The following CEP192 variants were observed in gnomAD, a reference collection of about 807,000 sequenced individuals.
CEP192 encodes the protein centrosomal protein 192.
In CEP192, 151 loss-of-function variants were observed where a neutral mutation model predicts 271.8. That is an observed-to-expected ratio of 0.56 (90% CI 0.49 to 0.64). CEP192 has a LOEUF of 0.64. CEP192 is among the 30% of genes least tolerant of loss of function. CEP192 has a pLI of 0.00. For missense variants in CEP192, 2,910 were observed against 3,020.5 expected, an observed-to-expected ratio of 0.96 and a Z score of 0.86; for synonymous variants, 995 against 1,076.5, an observed-to-expected ratio of 0.92 and a Z score of 1.48.
intron 5 of CEP192, among the ~76,000 whole-genome samples, chr18:13,013,919 C>A (rs907759063): frequency 6.6e-6 from 1 of 152,184 alleles, no homozygotes; most frequent in Non-Finnish European, 1.5e-5. Context: ...CCTGTGCCAG[C>A]GATTGGCAAA....
At position 13,059,076 on chromosome 18, in the gene CEP192, T is replaced by C. The variant is rs1261383526; in HGVS notation, c.4258-6T>C. On this transcript the variant is annotated splice_polypyrimidine_tract_variant and splice_region_variant and intron_variant, in intron 20 of 44. Transcript: ENST00000506447. ...TAATAACGAACTTTATGGCTCTTTT[T>C]TGAAGGTGGATCTTTCAACATATCG... is the stretch of plus-strand genomic sequence containing the variant. 2 of 1,599,510 alleles carry C rather than the reference T, an allele frequency of 1.3e-6. No individual in the cohort carries two copies. Among genetic ancestry groups the C allele is most frequent in the Admixed American group, 1.7e-5 (1 of 59,856 alleles).
At chr18:13,030,065 A>G in intron 10 of CEP192, 63 bp downstream of exon 10, 1 of 1,239,492 alleles carries the variant, frequency 8.1e-7, no homozygotes, top group Non-Finnish European at 1.1e-6. Flanking sequence ...TGAATAGGAC[A>G]TATTTTCATG....
chr18:13,001,101 C>G (rs1256804139), intron 2 of CEP192, among the ~76,000 whole-genome samples: 1 of 152,184 alleles, frequency 6.6e-6, no homozygotes, highest in African/African-American at 2.4e-5. Context: ...CATGTAGGGT[C>G]TTGCATAATA....
rs146470719 is a variant in CEP192 at position 13,019,951 on chromosome 18, T to G, written c.1050+745T>G. On this transcript the variant is annotated intron_variant, in intron 9 of 44. Transcript: ENST00000506447. ...TCTCAGCCTCCCAAGTAGCTGGGAT[T>G]ACAGGCGCACATCACCACCTGGTTA... Among the ~76,000 whole-genome samples the G allele has an allele frequency of 6.5e-3, 989 of 152,172 alleles. 10 individuals carry two copies. The highest frequency in any genetic ancestry group is 0.023 in the African/African-American group (936 of 41,510).
At chr18:13,057,503 C>A in intron 19 of CEP192, 82 bp from the exon 20 acceptor site, 1 of 1,492,476 alleles carries the variant, frequency 6.7e-7, no homozygotes, top group Admixed American at 1.8e-5. Context: ...ATCTTATAAA[C>A]TCATTGCCAT....
chr18:13,092,451 A>G lies in CEP192; in HGVS notation c.6178A>G (p.Ile2060Val), dbSNP rs1439325944. Residue 2060 changes from isoleucine to valine, a missense_variant, in exon 34 of 45, where the codon ATT (isoleucine) becomes GTT (valine). Coordinates refer to ENST00000506447, the MANE Select transcript of CEP192 (RefSeq NM_032142.4). Reference protein sequence around the residue: ...GSMCKIILSVIGEFRDCISSR... With the variant: ...GSMCKIILSVVGEFRDCISSR... ...CATGTGTAAAATTATACTTTCAGTA[A>G]TTGGAGAATTCAGAGATTGCATTTC... is the stretch of plus-strand genomic sequence containing the variant. The G allele has an allele frequency of 5.6e-6, 9 of 1,607,460 alleles. No homozygotes were observed. Among genetic ancestry groups the G allele is most frequent in the African/African-American group, 2.7e-5 (2 of 74,748 alleles).
At position 13,071,066 on chromosome 18, in the gene CEP192, T is replaced by G; in HGVS notation, c.5202T>G (p.Phe1734Leu). Residue 1734 changes from phenylalanine (F) to leucine (L), a missense_variant, in exon 28 of 45, where the codon TTT becomes TTG. Coordinates refer to ENST00000506447, the MANE Select transcript of CEP192 (RefSeq NM_032142.4). ...TCTTGAAAATATTTGTGCAGCCATT[T>G]GGACCTCAGTATGAGGTAGTGTTAA... ...ERILKIFVQPFGPQYEVVLKG... is the reference protein window; with the variant it reads ...ERILKIFVQPLGPQYEVVLKG... 1 of 1,613,850 alleles carries G rather than the reference T, an allele frequency of 6.2e-7. No individual in the cohort carries two copies. The highest frequency in any genetic ancestry group is 8.5e-7 in the Non-Finnish European group (1 of 1,179,744).
In CEP192 at chr18:13,040,813, C is replaced by T. The variant is rs748164015; in HGVS notation, c.1810-17C>T. On this transcript the variant is annotated splice_polypyrimidine_tract_variant and intron_variant, in intron 13 of 44. Transcript: ENST00000506447. Reference sequence around the variant, plus strand: ...GTTGAAAATCAAAGAAATAATTTACCTTTAATTATTTTGTAGCCATCATTT... The same window carrying T: ...GTTGAAAATCAAAGAAATAATTTACTTTTAATTATTTTGTAGCCATCATTT... The T allele has an allele frequency of 6.4e-7, 1 of 1,555,742 alleles. No homozygotes were observed. The highest frequency in any genetic ancestry group is 2.3e-5 in the East Asian group (1 of 44,150).
intron 44 of CEP192, among the ~76,000 whole-genome samples, chr18:13,123,512 C>T (rs1362217814): frequency 1.3e-5 from 2 of 152,198 alleles, no homozygotes; most frequent in African/African-American, 4.8e-5. Flanking sequence ...ATTTTCAGGA[C>T]AGATGCTGGA....
At chr18:12,999,318 AT>A (rs1175749728) in intron 1 of CEP192, 102 bp from the exon 2 acceptor site, 8 of 924,258 alleles carry the variant, frequency 8.7e-6, no homozygotes, top group South Asian at 4.3e-5. Context: ...TAAAAAAAGG[AT>A]TTTTTTCCTA....
At chr18:13,072,923 A>T (rs1276352344) in intron 29 of CEP192, 78 bp downstream of exon 29, 1 of 1,541,152 alleles carries the variant, frequency 6.5e-7, no homozygotes, top group Admixed American at 1.7e-5. Flanking sequence ...TTTTTGTGTT[A>T]TTTAGCTTTT....
intron 40 of CEP192, among the ~76,000 whole-genome samples, chr18:13,106,856 G>A (rs1226645423): frequency 1.3e-5 from 2 of 152,142 alleles, no homozygotes; most frequent in African/African-American, 4.8e-5. Flanking sequence ...GATTGACTAC[G>A]TTGCTTAAAT....
chr18:13,074,816 C>G (rs1598520079), intron 30 of CEP192, among the ~76,000 whole-genome samples: 1 of 152,074 alleles, frequency 6.6e-6, no homozygotes, highest in South Asian at 2.1e-4. Flanking sequence ...GACAGGAGAA[C>G]CCAGGGAGCC....
intron 3 of CEP192, among the ~76,000 whole-genome samples, chr18:13,006,632 T>A (rs1040024746): frequency 2.0e-5 from 3 of 152,226 alleles, no homozygotes; most frequent in African/African-American, 7.2e-5. Context: ...TCTCTTGAAC[T>A]GCTCCTTTTT....
intron 44 of CEP192, among the ~76,000 whole-genome samples, chr18:13,119,363 A>G (rs565087964): frequency 3.9e-5 from 6 of 152,322 alleles, no homozygotes; most frequent in Non-Finnish European, 8.8e-5. Context: ...GATCAATGGA[A>G]TACTTCTGTT....
chr18:13,094,953 C>T (rs2144787205), intron 34 of CEP192, among the ~76,000 whole-genome samples: 1 of 152,314 alleles, frequency 6.6e-6, no homozygotes, highest in East Asian at 1.9e-4. Flanking sequence ...GGCTGTCTCC[C>T]TGAGCCCAGT....
intron 30 of CEP192, among the ~76,000 whole-genome samples, chr18:13,077,877 AT>A (rs769540329): frequency 6.6e-6 from 1 of 152,166 alleles, no homozygotes; most frequent in Non-Finnish European, 1.5e-5. Flanking sequence ...TATAGTTAAC[AT>A]TTTGCTATAT....
rs141014420 is a variant in CEP192 at position 13,049,067 on chromosome 18, A to G, written c.2276A>G (p.Tyr759Cys). ...TFQEDEKQKD[Y>C]SHVRHFLPND... ...CAGGAAGATGAGAAACAAAAGGACTATTCTCATGTGCGTCATTTCTTACCT... is the reference window on the plus strand; with the variant it reads ...CAGGAAGATGAGAAACAAAAGGACTGTTCTCATGTGCGTCATTTCTTACCT... Residue 759 changes from tyrosine to cysteine, a missense_variant, in exon 16 of 45, where the codon TAT becomes TGT. Physicochemically the swap from Tyr to Cys is radical, Grantham distance 194. Transcript: ENST00000506447. 4.3e-6 allele frequency: 7 copies of G among 1,613,896 alleles called. No individual in the cohort carries two copies. The highest frequency in any genetic ancestry group is 4.0e-5 in the African/African-American group (3 of 74,934).
chr18:13,011,186 C>G (rs1403178891), intron 4 of CEP192, among the ~76,000 whole-genome samples: 1 of 149,282 alleles, frequency 6.7e-6, no homozygotes, highest in Non-Finnish European at 1.5e-5. Context: ...GAGATTGTGC[C>G]ACTGCATTCC....
Sources: allele counts gnomAD v4.1 joint callset (sites outside exome capture counted in the v4.1 genomes callset), GRCh38; gene constraint gnomAD v4.1.1; transcripts MANE v1.5; gene names NCBI Gene and HGNC (gene_info 2026-07-23, HGNC 2026-07-21).